The following DPF3 variants were observed in gnomAD, a reference collection of about 807,000 sequenced individuals.
DPF3 encodes the protein zinc finger protein DPF3.
Under a neutral mutation model 56.8 loss-of-function variants are expected in DPF3, and 18 were observed. The ratio of observed to expected loss-of-function variants is 0.32; its 90% CI spans 0.22 to 0.47. The LOEUF (loss-of-function observed/expected upper bound fraction) is 0.47. Among genes scored for constraint, DPF3 ranks in the 20% least tolerant of loss-of-function variants. The probability of loss-of-function intolerance (pLI) is 1.00; values close to 1 mark genes in which losing one functional copy is unlikely to be tolerated. For missense variants in DPF3, 403 were observed against 488.8 expected (o/e 0.82, Z 1.65); for synonymous variants, 188 against 180.2 (o/e 1.04, Z -0.35).
chr14:72,650,145 A>T (rs1181520884), intron 8 of DPF3, among the ~76,000 whole-genome samples: 1 of 152,172 alleles, frequency 6.6e-6, no homozygotes, highest in Non-Finnish European at 1.5e-5. Context: ...CTTGAGGGAA[A>T]AATGAGGACC....
intron 7 of DPF3, among the ~76,000 whole-genome samples, chr14:72,682,426 A>G (rs1333283600): frequency 6.6e-6 from 1 of 152,212 alleles, no homozygotes; most frequent in Non-Finnish European, 1.5e-5. Flanking sequence ...TATATCAACC[A>G]GGCTCTGAAC....
chr14:72,699,690 C>T (rs1460023806), intron 6 of DPF3, among the ~76,000 whole-genome samples: 1 of 152,148 alleles, frequency 6.6e-6, no homozygotes, highest in Non-Finnish European at 1.5e-5. Context: ...ACTCCAAGTG[C>T]TTCAAGTAAA....
chr14:72,649,046 C>A (rs1885815568), intron 8 of DPF3, among the ~76,000 whole-genome samples: 1 of 152,180 alleles, frequency 6.6e-6, no homozygotes, highest in South Asian at 2.1e-4. Context: ...TCCTCCTCTT[C>A]TCCCTTTCTC....
chr14:72,685,696 G>A (rs961631238), intron 7 of DPF3, among the ~76,000 whole-genome samples: 3 of 152,246 alleles, frequency 2.0e-5, no homozygotes, highest in Admixed American at 6.5e-5. Context: ...AGGAATGAAT[G>A]AGATACATGT....
At chr14:72,671,006 A>C in intron 8 of DPF3, 5 of 1,450,624 alleles carry the variant, frequency 3.4e-6, no homozygotes, top group Non-Finnish European at 4.5e-6. Context: ...TGGGAGGTGA[A>C]GGGAAAAAAA....
chr14:72,812,515 G>C (rs1338259176), intron 1 of DPF3, among the ~76,000 whole-genome samples: 1 of 152,132 alleles, frequency 6.6e-6, no homozygotes, highest in African/African-American at 2.4e-5. Context: ...AGGCAGGGAG[G>C]CAAAGGGAAC....
At chr14:72,834,160 AGAGT>A (rs982484670) in intron 1 of DPF3, among the ~76,000 whole-genome samples, 2 of 151,910 alleles carry the variant, frequency 1.3e-5, no homozygotes, top group African/African-American at 4.8e-5. Context: ...CCCGAGTGAC[AGAGT>A]GAGACTCTGT....
intron 5 of DPF3, among the ~76,000 whole-genome samples, chr14:72,717,392 C>G (rs10149272): frequency 0.63 from 95,511 of 152,058 alleles, 31,988 homozygotes; most frequent in East Asian, 0.83. Flanking sequence ...GTGTGTGAAA[C>G]CACAGGGGAC....
chr14:72,812,998 C>T (rs949366981), intron 1 of DPF3, among the ~76,000 whole-genome samples: 1 of 152,058 alleles, frequency 6.6e-6, no homozygotes, highest in Non-Finnish European at 1.5e-5. Flanking sequence ...CCAGACACAC[C>T]GCATCGCCTC....
chr14:72,775,361 T>A (rs2139951466), intron 1 of DPF3, among the ~76,000 whole-genome samples: 1 of 152,344 alleles, frequency 6.6e-6, no homozygotes, highest in South Asian at 2.1e-4. Flanking sequence ...CTTGTCCTAA[T>A]ATGCTAGTAA....
At chr14:72,886,787 C>A (rs1257185854) in intron 1 of DPF3, among the ~76,000 whole-genome samples, 1 of 152,052 alleles carries the variant, frequency 6.6e-6, no homozygotes, top group Non-Finnish European at 1.5e-5. Context: ...ATAATAATGT[C>A]CCCACTGAAA....
At chr14:72,669,780 G>C (rs1354481044) in intron 8 of DPF3, among the ~76,000 whole-genome samples, 1 of 152,090 alleles carries the variant, frequency 6.6e-6, no homozygotes, top group Admixed American at 6.5e-5. Context: ...GCACACACAG[G>C]CCACAGAGGG....
chr14:72,846,430 G>A (rs1163583615), intron 1 of DPF3, among the ~76,000 whole-genome samples: 1 of 150,368 alleles, frequency 6.7e-6, no homozygotes, highest in African/African-American at 2.5e-5. Flanking sequence ...CCGCCTCCTG[G>A]GTTCACGCCA....
rs12892549 is a variant in DPF3, at chr14:72,620,789, C to T, written c.985-805G>A. Among the ~76,000 whole-genome samples, 1,259 of 152,340 alleles carry T rather than the reference C, an allele frequency of 8.3e-3. 11 individuals are homozygous for T. Among genetic ancestry groups the T allele is most frequent in the Non-Finnish European group, 0.013 (879 of 68,026 alleles). ...CCTGTGGTACTTTCCCTTTCTGTGA[C>T]ATTTAAATGCATTTTCCTTTACGTT... is the stretch of plus-strand genomic sequence containing the variant. On this transcript the variant is annotated intron_variant, in intron 9 of 10. Transcript: ENST00000556509.
chr14:72,624,640 C>G (rs921578555), intron 9 of DPF3, among the ~76,000 whole-genome samples: 1 of 152,134 alleles, frequency 6.6e-6, no homozygotes, highest in African/African-American at 2.4e-5. Flanking sequence ...CGCCCGGCCC[C>G]CAACCTATGT....
At chr14:72,795,295 A>ATATAT (rs1370331515) in intron 1 of DPF3, among the ~76,000 whole-genome samples, 18 of 102,930 alleles carry the variant, frequency 1.7e-4, no homozygotes, top group Non-Finnish European at 2.7e-4. Context: ...AAAAAAAAAA[A>ATATAT]ATATATATAT....
At chr14:72,662,842 GGAAAGGCAAT>G (rs1886272162) in intron 8 of DPF3, 1 of 984,786 alleles carries the variant, frequency 1.0e-6, no homozygotes. Flanking sequence ...GACTGCAGAG[GGAAAGGCAAT>G]GAAAGATAAA....
At chr14:72,689,254 C>T (rs940694354) in intron 7 of DPF3, among the ~76,000 whole-genome samples, 7 of 152,154 alleles carry the variant, frequency 4.6e-5, no homozygotes, top group Non-Finnish European at 1.0e-4. Context: ...CAAAAGGTCG[C>T]TACTGCTGCA....
chr14:72,769,404 G>A (rs982379466), intron 2 of DPF3, among the ~76,000 whole-genome samples: 7 of 152,152 alleles, frequency 4.6e-5, no homozygotes, highest in African/African-American at 1.7e-4. Flanking sequence ...GCACTGGGCC[G>A]GGCACGGTGG....
Sources: gnomAD v4.1 joint callset for allele counts (sites outside exome capture counted in the v4.1 genomes callset) on GRCh38, gnomAD v4.1.1 for gene constraint, MANE v1.5 for transcripts, NCBI Gene and HGNC (gene_info 2026-07-23, HGNC 2026-07-21) for gene names.